Variants in STX11 observed in about 807,000 individuals in gnomAD.
STX11 encodes the protein syntaxin 11.
In STX11, 21 loss-of-function variants were observed where a neutral mutation model predicts 19.9. The ratio of observed to expected loss-of-function variants is 1.06; its 90% CI spans 0.75 to 1.52. STX11 has a LOEUF of 1.52. Ranked by LOEUF, STX11 falls within the 40% of genes most tolerant of loss-of-function variation. The pLI is 0.00. For missense variants in STX11, 438 were observed against 405.9 expected (o/e 1.08, Z -0.68); for synonymous variants, 193 against 174.4 (o/e 1.11, Z -0.84).
rs1335828201 is a variant in STX11, at chr6:144,150,647, G to A, written c.-62G>A. The A allele has an allele frequency of 5.1e-6, 5 of 985,244 alleles. No individual in the cohort carries two copies. The African/African-American group carries it at 8.7e-5, about 17-fold the overall frequency. The allele number at this position is 985,244 out of a possible 1,614,324, so 61.0% of individuals were successfully genotyped here. A position where few individuals can be genotyped will look rare whatever the true frequency, so the allele number is the denominator to read the frequency against. On this transcript the variant is annotated 5_prime_UTR_variant, in exon 1 of 2. Transcript: ENST00000367568. The stretch of plus-strand genomic sequence containing the variant: ...CTTCTCCATCGCTGCGCCCACAGGG[G>A]ACGCGCGCCCTGCCGGGAGAGGGGC...
chr6:144,185,544 A>ACT (rs1276197689), intron 1 of STX11, among the ~76,000 whole-genome samples: 1 of 152,222 alleles, frequency 6.6e-6, no homozygotes, highest in Non-Finnish European at 1.5e-5. Context: ...TAAGCAGAGG[A>ACT]ATTACCAGAA....
At position 144,165,177 on chromosome 6, in the gene STX11, G is replaced by T. The variant is rs566520292; in HGVS notation, c.-6+14474G>T. Reference sequence around the variant, plus strand: ...ACTTTGAAGAAAAATTTTCTTGGCCGGGCGCGGTGGCTCACGCCTGTAATC... The same window carrying T: ...ACTTTGAAGAAAAATTTTCTTGGCCTGGCGCGGTGGCTCACGCCTGTAATC... On this transcript the variant is annotated intron_variant, in intron 1 of 1. Coordinates refer to ENST00000367568, the MANE Select transcript of STX11 (RefSeq NM_003764.4). The surrounding 1 kb of genome is among the most constrained non-coding windows in gnomAD (Gnocchi z 5.8). 1.1e-4 allele frequency among the ~76,000 whole-genome samples: 16 copies of T among 151,932 alleles called. No individual in the cohort carries two copies. Among genetic ancestry groups the T allele is most frequent in the Non-Finnish European group, 2.2e-4 (15 of 67,984 alleles).
rs1245367201 is a variant in STX11, at chr6:144,155,976, T to A, written c.-6+5273T>A. Reference sequence around the variant, plus strand: ...TTTCTTTCTTTCTTTCTTTCTTTCTTTCTTTCTTTCTTTCTTTCTTTCTTT... The same window carrying A: ...TTTCTTTCTTTCTTTCTTTCTTTCTATCTTTCTTTCTTTCTTTCTTTCTTT... On this transcript the variant is annotated intron_variant, in intron 1 of 1. Transcript: ENST00000367568. This position sits in a 1 kb window ranked among gnomAD's most constrained non-coding sequence, Gnocchi z 4.5. 2.0e-4 allele frequency among the ~76,000 whole-genome samples: 27 copies of A among 132,072 alleles called. No homozygotes were observed. Among genetic ancestry groups the A allele is most frequent in the Middle Eastern group, 3.5e-3 (1 of 284 alleles). 86.6% of individuals were successfully genotyped at this position (132,072 alleles called of 152,430 possible).
In STX11 at chr6:144,153,558, C is replaced by A. The variant is rs1454705071; in HGVS notation, c.-6+2855C>A. On this transcript the variant is annotated intron_variant, in intron 1 of 1. Coordinates refer to ENST00000367568, the MANE Select transcript of STX11 (RefSeq NM_003764.4). This position sits in a 1 kb window ranked among gnomAD's most constrained non-coding sequence, Gnocchi z 5.0. ...CCATGAGGGTTTAATAGTACTGAAG[C>A]CTTTGAACAAGTGAATGATATTGTC... is the stretch of plus-strand genomic sequence containing the variant. Among the ~76,000 whole-genome samples, 1 of 152,044 alleles carries A rather than the reference C, an allele frequency of 6.6e-6. No individual in the cohort carries two copies. Among genetic ancestry groups the A allele is most frequent in the South Asian group, 2.1e-4 (1 of 4,822 alleles).
chr6:144,156,002 C>CTCT, intron 1 of STX11, among the ~76,000 whole-genome samples: 1 of 127,462 alleles, frequency 7.8e-6, no homozygotes, highest in East Asian at 2.7e-4. Flanking sequence ...TTCTTTCTTT[C>CTCT]TTTCTTTCTT....
In STX11 at chr6:144,186,886, A is replaced by G; in HGVS notation, c.259A>G (p.Asn87Asp). The stretch of plus-strand genomic sequence containing the variant: ...CCTCAGCAGCATCAAGCGCGACACC[A>G]ACTCCATCGCCAAGGCCATCAAGGC... ...RRLSSIKRDT[N>D]SIAKAIKARG... Residue 87 changes from asparagine (N) to aspartate (D), a missense_variant, in exon 2 of 2, where the codon AAC (asparagine) becomes GAC (aspartate). By Grantham distance (23) the Asn-to-Asp change is conservative. Transcript: ENST00000367568. 1 of 1,612,252 alleles carries G rather than the reference A, an allele frequency of 6.2e-7. No individual in the cohort carries two copies. The highest frequency in any genetic ancestry group is 8.5e-7 in the Non-Finnish European group (1 of 1,180,020).
rs73582947 is a variant in STX11, at chr6:144,170,860, T to C, written c.-5-15763T>C. 6.8e-3 allele frequency among the ~76,000 whole-genome samples: 1,035 copies of C among 152,286 alleles called. 15 individuals are homozygous for C. Among genetic ancestry groups the C allele is most frequent in the African/African-American group, 0.023 (968 of 41,552 alleles). ...AATCACAGGAATACATGACCATAGG[T>C]AACATATACAAAGTGCTCACTCTCT... On this transcript the variant is annotated intron_variant, in intron 1 of 1. Transcript: ENST00000367568. This position sits in a 1 kb window ranked among gnomAD's most constrained non-coding sequence, Gnocchi z 4.7.
rs1231113018 is a variant in STX11, at chr6:144,175,847, A to C, written c.-5-10776A>C. On this transcript the variant is annotated intron_variant, in intron 1 of 1. Coordinates refer to ENST00000367568, the MANE Select transcript of STX11 (RefSeq NM_003764.4). This position sits in a 1 kb window ranked among gnomAD's most constrained non-coding sequence, Gnocchi z 5.1. ...AAGAAAGGAAAAGCAGTCAGAGGCC[A>C]AAGGGTCTCGTTAGTGACCGATAAA... 3.9e-5 allele frequency among the ~76,000 whole-genome samples: 6 copies of C among 152,222 alleles called. No individual in the cohort carries two copies. The highest frequency in any genetic ancestry group is 8.8e-5 in the Non-Finnish European group (6 of 68,042).
At chr6:144,147,875 C>T (rs541959171), upstream of STX11, among the ~76,000 whole-genome samples, 1 of 152,270 alleles carries the variant, frequency 6.6e-6, no homozygotes, top group Non-Finnish European at 1.5e-5. This position sits in a 1 kb window ranked among gnomAD's most constrained non-coding sequence, Gnocchi z 4.2. Flanking sequence ...CACTGCACTG[C>T]AGCTTGGGCA....
chr6:144,189,771 G>A lies in STX11; in HGVS notation c.*2280G>A, dbSNP rs1802167777. Among the ~76,000 whole-genome samples the A allele has an allele frequency of 6.6e-6, 1 of 152,046 alleles. No homozygotes were observed. The highest frequency in any genetic ancestry group is 6.5e-5 in the Admixed American group (1 of 15,268). ...GAATTGTGGAAACCAAGTTCCACAA[G>A]GCTATTCTCATATTTCTCCCAATTT... On this transcript the variant is annotated 3_prime_UTR_variant, in exon 2 of 2. Coordinates refer to ENST00000367568, the MANE Select transcript of STX11 (RefSeq NM_003764.4).
chr6:144,158,039 T>G (rs1801221663), intron 1 of STX11, among the ~76,000 whole-genome samples: 1 of 150,934 alleles, frequency 6.6e-6, no homozygotes, highest in Admixed American at 6.6e-5. Flanking sequence ...CCATTCTAGA[T>G]CCACTGGAAT....
At chr6:144,150,111 C>A (rs1800955086), upstream of STX11, among the ~76,000 whole-genome samples, 2 of 152,292 alleles carry the variant, frequency 1.3e-5, no homozygotes, top group East Asian at 1.9e-4. Flanking sequence ...CAGGACCTGC[C>A]GCAGCTTCCG....
In STX11 at chr6:144,170,402, G is replaced by A. The variant is rs1383356153; in HGVS notation, c.-5-16221G>A. Among the ~76,000 whole-genome samples, 1 of 152,164 alleles carries A rather than the reference G, an allele frequency of 6.6e-6. No individual in the cohort carries two copies. The highest frequency in any genetic ancestry group is 2.4e-5 in the African/African-American group (1 of 41,438). On this transcript the variant is annotated intron_variant, in intron 1 of 1. Coordinates refer to ENST00000367568, the MANE Select transcript of STX11 (RefSeq NM_003764.4). The surrounding 1 kb of genome is among the most constrained non-coding windows in gnomAD (Gnocchi z 4.7). Reference sequence around the variant, plus strand: ...TGTGCAGAAAAGATGTATTGCAGCTGAAGGGGGATGGGAGGGTCTTTTTTG... The same window carrying A: ...TGTGCAGAAAAGATGTATTGCAGCTAAAGGGGGATGGGAGGGTCTTTTTTG...
At position 144,167,960 on chromosome 6, in the gene STX11, T is replaced by G. The variant is rs375883096; in HGVS notation, c.-6+17257T>G. On this transcript the variant is annotated intron_variant, in intron 1 of 1. Transcript: ENST00000367568. This position sits in a 1 kb window ranked among gnomAD's most constrained non-coding sequence, Gnocchi z 5.0. Reference sequence around the variant, plus strand: ...AGACTTATTCACACATAAGTACTTATGGTAAAAAAAATAACATACCATTAA... The same window carrying G: ...AGACTTATTCACACATAAGTACTTAGGGTAAAAAAAATAACATACCATTAA... Among the ~76,000 whole-genome samples, 2 of 152,180 alleles carry G rather than the reference T, an allele frequency of 1.3e-5. No homozygotes were observed. The highest frequency in any genetic ancestry group is 4.8e-5 in the African/African-American group (2 of 41,450).
Position 144,188,916 on chromosome 6 carries a change from C to T in STX11, c.*1425C>T, listed in dbSNP as rs527870634. On this transcript the variant is annotated 3_prime_UTR_variant, in exon 2 of 2. Coordinates refer to ENST00000367568, the MANE Select transcript of STX11 (RefSeq NM_003764.4). ...TAATTTTTTATGTTTTTAGTAAAGA[C>T]GGTGTTTCACCGTGTTAGCCAGGAT... Among the ~76,000 whole-genome samples the T allele has an allele frequency of 4.5e-4, 68 of 152,038 alleles. No homozygotes were observed. The highest frequency in any genetic ancestry group is 1.3e-3 in the Admixed American group (20 of 15,254).
In STX11 at chr6:144,182,981, G is replaced by A. The variant is rs1801943657; in HGVS notation, c.-5-3642G>A. Among the ~76,000 whole-genome samples the A allele has an allele frequency of 6.6e-6, 1 of 152,274 alleles. No homozygotes were observed. Among genetic ancestry groups the A allele is most frequent in the Non-Finnish European group, 1.5e-5 (1 of 68,030 alleles). On this transcript the variant is annotated intron_variant, in intron 1 of 1. Transcript: ENST00000367568. This position sits in a 1 kb window ranked among gnomAD's most constrained non-coding sequence, Gnocchi z 4.8. Reference sequence around the variant, plus strand: ...CAAACTAGCTAATGTGCTTTCCCCAGGTAGCATAAAATGTTAACTTGATTG... The same window carrying A: ...CAAACTAGCTAATGTGCTTTCCCCAAGTAGCATAAAATGTTAACTTGATTG...
chr6:144,186,209 C>T (rs910426276), intron 1 of STX11, among the ~76,000 whole-genome samples: 38 of 148,904 alleles, frequency 2.6e-4, no homozygotes, highest in African/African-American at 9.1e-4. Flanking sequence ...GGAGATATAC[C>T]TAATGTAAAT....
chr6:144,190,896 G>A lies in STX11; in HGVS notation c.*3405G>A, dbSNP rs1802195510. Among the ~76,000 whole-genome samples the A allele has an allele frequency of 6.6e-6, 1 of 152,096 alleles. No individual in the cohort carries two copies. Among genetic ancestry groups the A allele is most frequent in the African/African-American group, 2.4e-5 (1 of 41,410 alleles). On this transcript the variant is annotated 3_prime_UTR_variant, in exon 2 of 2. Transcript: ENST00000367568. Reference sequence around the variant, plus strand: ...GCTCTGACTGCCACACCAGGCAGTGGGTGAAATGCTGGCTTTTTCCTTAAG... The same window carrying A: ...GCTCTGACTGCCACACCAGGCAGTGAGTGAAATGCTGGCTTTTTCCTTAAG...
chr6:144,169,967 C>T lies in STX11; in HGVS notation c.-5-16656C>T, dbSNP rs569080273. Among the ~76,000 whole-genome samples the T allele has an allele frequency of 1.1e-4, 16 of 152,292 alleles. No homozygotes were observed. Among genetic ancestry groups the T allele is most frequent in the African/African-American group, 3.8e-4 (16 of 41,570 alleles). On this transcript the variant is annotated intron_variant, in intron 1 of 1. Transcript: ENST00000367568. This position sits in a 1 kb window ranked among gnomAD's most constrained non-coding sequence, Gnocchi z 5.2. ...CACTGAGATTACAGGTGTGAGCCAC[C>T]ATGCATGGAGTGTTTACTATTTTTT...
Sources: gnomAD v4.1 joint callset for allele counts (sites outside exome capture counted in the v4.1 genomes callset) on GRCh38, gnomAD v4.1.1 for gene constraint, Gnocchi (gnomAD v3.1) non-coding constraint, MANE v1.5 for transcripts, NCBI Gene and HGNC (gene_info 2026-07-23, HGNC 2026-07-21) for gene names.